PPP2R2B: variants seen among roughly 807,000 people sequenced by gnomAD.
The protein encoded by PPP2R2B is protein phosphatase 2 regulatory subunit Bbeta, also known as serine/threonine-protein phosphatase 2A 55 kDa regulatory subunit B beta isoform.
A neutral mutation model predicts 46.0 loss-of-function variants in PPP2R2B; 5 were observed. That is an observed-to-expected ratio of 0.11 (90% CI 0.06 to 0.23). The LOEUF (loss-of-function observed/expected upper bound fraction) is 0.23. PPP2R2B is among the 10% of genes least tolerant of loss of function. The probability of loss-of-function intolerance (pLI) is 1.00; values close to 1 mark genes in which losing one functional copy is unlikely to be tolerated. For missense variants in PPP2R2B, 367 were observed against 575.0 expected, an observed-to-expected ratio of 0.64 and a Z score of 3.70; for synonymous variants, 215 against 206.7, an observed-to-expected ratio of 1.04 and a Z score of -0.34.
chr5:146,989,901 T>G (rs1753613256), intron 1 of PPP2R2B, among the ~76,000 whole-genome samples: 1 of 151,764 alleles, frequency 6.6e-6, no homozygotes. Flanking sequence ...ATAGTAAAGT[T>G]GCAGGATACA....
At chr5:146,892,818 A>G (rs1762531584) in intron 1 of PPP2R2B, among the ~76,000 whole-genome samples, 2 of 152,190 alleles carry the variant, frequency 1.3e-5, no homozygotes, top group African/African-American at 4.8e-5. Flanking sequence ...AGTTAATTTA[A>G]CTTTGTTCAA....
chr5:146,752,493 C>T (rs545497701), intron 2 of PPP2R2B, among the ~76,000 whole-genome samples: 307 of 152,214 alleles, frequency 2.0e-3, no homozygotes, highest in African/African-American at 6.6e-3. Context: ...ATTTATCATC[C>T]GGATTCCCCA....
At chr5:146,640,371 T>A (rs1241330363) in intron 6 of PPP2R2B, among the ~76,000 whole-genome samples, 1 of 152,240 alleles carries the variant, frequency 6.6e-6, no homozygotes, top group African/African-American at 2.4e-5. Flanking sequence ...CTGCCAGAGT[T>A]ATAAATATGA....
intron 2 of PPP2R2B, among the ~76,000 whole-genome samples, chr5:146,802,750 G>A (rs1156300614): frequency 6.6e-6 from 1 of 152,146 alleles, no homozygotes; most frequent in Admixed American, 6.5e-5. Flanking sequence ...GTGGGGATGG[G>A]ATAAGTATAT....
chr5:146,936,573 T>C (rs1344418155), intron 1 of PPP2R2B, among the ~76,000 whole-genome samples: 1 of 150,598 alleles, frequency 6.6e-6, no homozygotes, highest in East Asian at 2.0e-4. Flanking sequence ...GTCGTTTTGA[T>C]TGCTTTTCAC....
chr5:146,710,997 C>T (rs960114027), intron 2 of PPP2R2B, among the ~76,000 whole-genome samples: 6 of 152,192 alleles, frequency 3.9e-5, no homozygotes, highest in African/African-American at 1.4e-4. Context: ...CCTTAAGAAG[C>T]CCTGTGTGAC....
intron 2 of PPP2R2B, among the ~76,000 whole-genome samples, chr5:147,069,222 G>A (rs1247078665): frequency 6.6e-6 from 1 of 152,172 alleles, no homozygotes; most frequent in Non-Finnish European, 1.5e-5. Flanking sequence ...ACCACAGACA[G>A]CATTTTACTA....
In PPP2R2B at chr5:146,589,821, C is replaced by A. The variant is rs1333383986; in HGVS notation, c.*126G>T. The stretch of plus-strand genomic sequence containing the variant: ...TGGGAATGTTGGACTCCTTTTAATT[C>A]TATTCCAATCATTTCCTGTATAGGG... On this transcript the variant is annotated 3_prime_UTR_variant, in exon 10 of 10. Transcript: ENST00000394411. The A allele has an allele frequency of 1.9e-6, 2 of 1,047,280 alleles. No individual in the cohort carries two copies. Among genetic ancestry groups the A allele is most frequent in the Non-Finnish European group, 2.8e-6 (2 of 719,952 alleles). 64.9% of individuals were successfully genotyped at this position (1,047,280 alleles called of 1,614,324 possible). A position where few individuals can be genotyped will look rare whatever the true frequency, so the allele number is the denominator to read the frequency against.
chr5:146,706,116 C>T (rs1779830053), intron 2 of PPP2R2B, among the ~76,000 whole-genome samples: 1 of 152,200 alleles, frequency 6.6e-6, no homozygotes, highest in Non-Finnish European at 1.5e-5. Context: ...GGTAAGTCTC[C>T]TGTTCCCTGT....
At chr5:146,622,365 TTA>T (rs1773760102) in intron 7 of PPP2R2B, among the ~76,000 whole-genome samples, 1 of 152,186 alleles carries the variant, frequency 6.6e-6, no homozygotes, top group Non-Finnish European at 1.5e-5. Context: ...TGTCCCCATT[TTA>T]TAGAGGTGGA....
At chr5:146,944,137 AC>A (rs1478385276) in intron 1 of PPP2R2B, among the ~76,000 whole-genome samples, 3 of 152,196 alleles carry the variant, frequency 2.0e-5, no homozygotes, top group African/African-American at 7.2e-5. Flanking sequence ...TAGTATTTTC[AC>A]TACAAGTAGT....
At chr5:146,608,123 TGGTGTTTGA>T (rs1440544946) in intron 7 of PPP2R2B, among the ~76,000 whole-genome samples, 1 of 152,142 alleles carries the variant, frequency 6.6e-6, no homozygotes, top group Non-Finnish European at 1.5e-5. Context: ...GCCCTGATAA[TGGTGTTTGA>T]GGGGTAGGAG....
chr5:147,028,089 A>G (rs1755614031), intron 1 of PPP2R2B, among the ~76,000 whole-genome samples: 1 of 152,140 alleles, frequency 6.6e-6, no homozygotes, highest in African/African-American at 2.4e-5. Context: ...AGGAATTCCC[A>G]AGAGGAGATA....
At chr5:146,825,115 T>G in intron 2 of PPP2R2B, among the ~76,000 whole-genome samples, 1 of 152,222 alleles carries the variant, frequency 6.6e-6, no homozygotes, top group Non-Finnish European at 1.5e-5. Context: ...TATTTTAAAT[T>G]TACGTTCCTC....
At position 146,601,954 on chromosome 5, in the gene PPP2R2B, T is replaced by C. The variant is rs1255410953; in HGVS notation, c.791-1494A>G. Among the ~76,000 whole-genome samples, 11 of 152,336 alleles carry C rather than the reference T, an allele frequency of 7.2e-5. No individual in the cohort carries two copies. In the East Asian group the frequency reaches 2.1e-3, roughly 29 times the overall value. On this transcript the variant is annotated intron_variant, in intron 7 of 9. Coordinates refer to ENST00000394411, the MANE Select transcript of PPP2R2B (RefSeq NM_181675.4). ...CTTCTCAGTATGTTATTGGAGCCCA[T>C]CACAAACTGCCTCTAATTCTTTCTA...
At chr5:146,798,383 G>A (rs1442167830) in intron 2 of PPP2R2B, among the ~76,000 whole-genome samples, 1 of 152,036 alleles carries the variant, frequency 6.6e-6, no homozygotes, top group Admixed American at 6.6e-5. Context: ...CTAATCCACA[G>A]CTTCCACAGT....
intron 2 of PPP2R2B, among the ~76,000 whole-genome samples, chr5:146,865,947 A>C (rs138058490): frequency 1.4e-4 from 22 of 152,270 alleles, no homozygotes; most frequent in Non-Finnish European, 2.5e-4. Flanking sequence ...ACTCACTTAG[A>C]CGATTAATAC....
chr5:146,738,438 T>A (rs1752674691), intron 2 of PPP2R2B, among the ~76,000 whole-genome samples: 2 of 150,050 alleles, frequency 1.3e-5, no homozygotes, highest in Admixed American at 1.3e-4. Context: ...ACAGAAAAAC[T>A]AGTTGGAAGT....
At chr5:146,776,093 C>T (rs139131555) in intron 2 of PPP2R2B, among the ~76,000 whole-genome samples, 58 of 152,130 alleles carry the variant, frequency 3.8e-4, no homozygotes, top group African/African-American at 1.2e-3. Flanking sequence ...AGATTCAATG[C>T]GATCCCTATC....
Sources: allele counts gnomAD v4.1 joint callset (sites outside exome capture counted in the v4.1 genomes callset), GRCh38; gene constraint gnomAD v4.1.1; transcripts MANE v1.5; gene names NCBI Gene and HGNC (gene_info 2026-07-23, HGNC 2026-07-21).